ETF1: variants seen among roughly 807,000 people sequenced by gnomAD.
The protein encoded by ETF1 is eukaryotic peptide chain release factor subunit 1.
Under a neutral mutation model 55.1 loss-of-function variants are expected in ETF1, and 4 were observed. That is an observed-to-expected ratio of 0.07 (90% CI 0.04 to 0.17). The LOEUF (loss-of-function observed/expected upper bound fraction) is 0.17, where lower values mean the gene tolerates loss of function less well. Ranked by LOEUF, ETF1 falls within the 10% of genes least tolerant of loss-of-function variation. The probability of loss-of-function intolerance (pLI) is 1.00; values close to 1 mark genes in which losing one functional copy is unlikely to be tolerated. For synonymous variants in ETF1, 157 were observed against 182.3 expected, an observed-to-expected ratio of 0.86 and a Z score of 1.12; for missense variants, 142 against 523.6, an observed-to-expected ratio of 0.27 and a Z score of 7.11.
rs1561850976 is a variant in ETF1, at chr5:138,543,224, T to C, written c.-146A>G. The C allele has an allele frequency of 6.6e-6, 3 of 453,488 alleles. No homozygotes were observed. Among genetic ancestry groups the C allele is most frequent in the Non-Finnish European group, 3.9e-6 (1 of 255,116 alleles). 28.1% of individuals were successfully genotyped at this position (453,488 alleles called of 1,614,324 possible). On this transcript the variant is annotated 5_prime_UTR_variant, in exon 1 of 11. An upstream start codon of the reference 5' UTR is lost. Transcript: ENST00000360541. ...CTGCATGTGTTGCAATCCGCTCACA[T>C]GGGGCCTGTGACATCACTTCCTCCG... is the stretch of plus-strand genomic sequence containing the variant.
chr5:138,512,774 A>G lies in ETF1; in HGVS notation c.722T>C (p.Met241Thr). Reference sequence around the variant, plus strand: ...CTACTTCTTACTTACCTGATCAAACATATCAGATTGACTTAGTTCAGTTTT... The same window carrying G: ...CTACTTCTTACTTACCTGATCAAACGTATCAGATTGACTTAGTTCAGTTTT... Reference protein sequence around the residue: ...DFKTELSQSDMFDQRLQSKVL... With the variant: ...DFKTELSQSDTFDQRLQSKVL... The change falls in exon 6 of 11, where the codon ATG (methionine) becomes ACG (threonine). Residue 241 changes from methionine (M) to threonine (T), a missense_variant. Physicochemically the swap from Met to Thr is moderately conservative, Grantham distance 81. Coordinates refer to ENST00000360541, the MANE Select transcript of ETF1 (RefSeq NM_004730.4). 6.3e-7 allele frequency: 1 copy of G among 1,589,984 alleles called. No homozygotes were observed. The highest frequency in any genetic ancestry group is 8.5e-7 in the Non-Finnish European group (1 of 1,171,840).
chr5:138,510,357 CAAAAAAAAAAA>C (rs57906231), intron 9 of ETF1, among the ~76,000 whole-genome samples, 197 bp downstream of exon 9: 1 of 64,780 alleles, frequency 1.5e-5, no homozygotes. Context: ...GACCTTGTCT[CAAAAAAAAAAA>C]AAAAAAAAAA....
intron 2 of ETF1, among the ~76,000 whole-genome samples, chr5:138,523,107 G>A (rs573645028): frequency 1.3e-5 from 2 of 152,258 alleles, no homozygotes; most frequent in East Asian, 3.9e-4. Flanking sequence ...AGTGGCTCAC[G>A]CCTGTAATCC....
chr5:138,533,691 A>G (rs1254579056), intron 2 of ETF1, among the ~76,000 whole-genome samples: 2 of 152,178 alleles, frequency 1.3e-5, no homozygotes, highest in Non-Finnish European at 2.9e-5. Flanking sequence ...CCTCAAAAAC[A>G]AAACAAAACA....
intron 6 of ETF1, 118 bp downstream of exon 6, chr5:138,512,646 G>A (rs1367003289): frequency 1.2e-6 from 1 of 836,348 alleles, no homozygotes; most frequent in Non-Finnish European, 1.8e-6. Context: ...GTTTAACTCA[G>A]AGGCAAGTTT....
At chr5:138,536,565 T>C (rs989521880) in intron 2 of ETF1, among the ~76,000 whole-genome samples, 1 of 152,174 alleles carries the variant, frequency 6.6e-6, no homozygotes, top group Non-Finnish European at 1.5e-5. Context: ...AGTAGGCTGC[T>C]GAAGAATTAA....
intron 2 of ETF1, among the ~76,000 whole-genome samples, chr5:138,530,894 A>C (rs1329783889): frequency 6.6e-6 from 1 of 152,202 alleles, no homozygotes; most frequent in Non-Finnish European, 1.5e-5. Flanking sequence ...ATGCAGAACT[A>C]GGGTTGAGAA....
At chr5:138,519,585 T>G (rs1451036472) in intron 2 of ETF1, among the ~76,000 whole-genome samples, 1 of 150,618 alleles carries the variant, frequency 6.6e-6, no homozygotes, top group African/African-American at 2.4e-5. Flanking sequence ...ATCACTTGAA[T>G]CCGGGAGGCG....
intron 2 of ETF1, among the ~76,000 whole-genome samples, chr5:138,524,235 TCCAGCTA>T (rs1257368639): frequency 6.7e-6 from 1 of 150,344 alleles, no homozygotes; most frequent in Non-Finnish European, 1.5e-5. Context: ...CGCCTGTAAT[TCCAGCTA>T]CTTGGGAGTC....
chr5:138,508,111 C>A lies in ETF1; in HGVS notation c.*194G>T. 1 of 615,264 alleles carries A rather than the reference C, an allele frequency of 1.6e-6. No homozygotes were observed. Among genetic ancestry groups the A allele is most frequent in the South Asian group, 2.5e-5 (1 of 39,370 alleles). The allele number at this position is 615,264 out of a possible 1,614,324, so 38.1% of individuals were successfully genotyped here. A position where few individuals can be genotyped will look rare whatever the true frequency, so the allele number is the denominator to read the frequency against. On this transcript the variant is annotated 3_prime_UTR_variant, in exon 11 of 11. Coordinates refer to ENST00000360541, the MANE Select transcript of ETF1 (RefSeq NM_004730.4). Reference sequence around the variant, plus strand: ...ACTTAGTTGTAGGCTGCTGCGCTGACACCATGACAAACCAAAGTGTAGGGC... The same window carrying A: ...ACTTAGTTGTAGGCTGCTGCGCTGAAACCATGACAAACCAAAGTGTAGGGC...
intron 2 of ETF1, 196 bp downstream of exon 2, chr5:138,542,637 C>T: frequency 3.5e-6 from 5 of 1,428,056 alleles, no homozygotes; most frequent in Non-Finnish European, 4.6e-6. Context: ...CCCTTACCCC[C>T]ATGCGGGGAA....
At position 138,511,695 on chromosome 5, in the gene ETF1, G is replaced by A. The variant is rs1203607540; in HGVS notation, c.733-91C>T. 2.8e-6 allele frequency: 4 copies of A among 1,448,716 alleles called. No individual in the cohort carries two copies. The African/African-American group carries it at 5.7e-5, about 21-fold the overall frequency. The allele number at this position is 1,448,716 out of a possible 1,614,324, so 89.7% of individuals were successfully genotyped here. A position where few individuals can be genotyped will look rare whatever the true frequency, so the allele number is the denominator to read the frequency against. ...TTACTCAAACCCACTAACTCTTAAT[G>A]GTATGCAAAGCTCAGCATTATGATC... On this transcript the variant is annotated intron_variant, in intron 6 of 10. Coordinates refer to ENST00000360541, the MANE Select transcript of ETF1 (RefSeq NM_004730.4).
At chr5:138,530,812 G>T (rs1244563370) in intron 2 of ETF1, among the ~76,000 whole-genome samples, 1 of 152,214 alleles carries the variant, frequency 6.6e-6, no homozygotes, top group African/African-American at 2.4e-5. Context: ...TGATCTGTCT[G>T]CCTTGGCCTC....
chr5:138,537,372 CTA>C (rs1197135605), intron 2 of ETF1, among the ~76,000 whole-genome samples: 1 of 152,186 alleles, frequency 6.6e-6, no homozygotes, highest in East Asian at 1.9e-4. Context: ...AGAGCACTCT[CTA>C]TGTGGCAAAT....
chr5:138,542,790 C>G, intron 2 of ETF1, 43 bp downstream of exon 2: 1 of 1,606,398 alleles, frequency 6.2e-7, no homozygotes, highest in Non-Finnish European at 8.5e-7. Flanking sequence ...CTGAGGGGTC[C>G]GGGAACCAAG....
chr5:138,530,688 C>T (rs1300437907), intron 2 of ETF1, among the ~76,000 whole-genome samples: 2 of 152,112 alleles, frequency 1.3e-5, no homozygotes, highest in African/African-American at 4.8e-5. Context: ...ATTCTCCTGC[C>T]TCAGCCTCCC....
intron 2 of ETF1, among the ~76,000 whole-genome samples, chr5:138,542,028 C>T (rs1766200200): frequency 6.6e-6 from 1 of 152,198 alleles, no homozygotes; most frequent in Non-Finnish European, 1.5e-5. Context: ...GCATCAAGCA[C>T]ATCAGGCGCC....
intron 2 of ETF1, among the ~76,000 whole-genome samples, chr5:138,530,235 G>A (rs944592189): frequency 6.6e-5 from 10 of 152,154 alleles, no homozygotes; most frequent in African/African-American, 2.4e-4. Flanking sequence ...GAGAGTGAGG[G>A]TGGTGATGAT....
intron 2 of ETF1, among the ~76,000 whole-genome samples, chr5:138,534,185 C>T (rs1765820092): frequency 6.6e-6 from 1 of 152,172 alleles, no homozygotes; most frequent in African/African-American, 2.4e-5. Flanking sequence ...ATAAAGTTCA[C>T]AAAGGTTCAT....
Sources: gnomAD v4.1 joint callset for allele counts (sites outside exome capture counted in the v4.1 genomes callset) on GRCh38, gnomAD v4.1.1 for gene constraint, MANE v1.5 for transcripts, NCBI Gene and HGNC (gene_info 2026-07-23, HGNC 2026-07-21) for gene names.